Variants in VWC2L observed in about 807,000 individuals in gnomAD.
VWC2L encodes von Willebrand factor C domain containing 2 like, also known as von Willebrand factor C domain-containing protein 2-like.
VWC2L carries 10 observed loss-of-function variants against 21.6 expected under a neutral mutation model. The observed-to-expected ratio is 0.46, with a 90% CI of 0.29 to 0.78. The LOEUF is 0.78. Ranked by LOEUF, VWC2L falls within the 30% of genes least tolerant of loss-of-function variation. The probability of loss-of-function intolerance (pLI) is 0.10; values close to 1 mark genes in which losing one functional copy is unlikely to be tolerated. For missense variants in VWC2L, 209 were observed against 277.1 expected (o/e 0.75, Z 1.74); for synonymous variants, 96 against 94.3 (o/e 1.02, Z -0.10).
intron 3 of VWC2L, among the ~76,000 whole-genome samples, chr2:214,505,153 C>T (rs1469872600): frequency 1.3e-5 from 2 of 152,110 alleles, no homozygotes; most frequent in Admixed American, 6.5e-5. Flanking sequence ...GAAGTAGCCC[C>T]GGCCATATGC....
At chr2:214,539,684 G>C (rs1320165013) in intron 3 of VWC2L, among the ~76,000 whole-genome samples, 1 of 152,056 alleles carries the variant, frequency 6.6e-6, no homozygotes. Flanking sequence ...TAGGCAATTT[G>C]TAATTAGATT....
chr2:214,500,868 T>G (rs1688881615), intron 3 of VWC2L, among the ~76,000 whole-genome samples: 1 of 152,194 alleles, frequency 6.6e-6, no homozygotes, highest in Non-Finnish European at 1.5e-5. Context: ...TTATTTGTCC[T>G]CTCTAGGTTA....
At chr2:214,522,206 T>A (rs1464692584) in intron 3 of VWC2L, among the ~76,000 whole-genome samples, 1 of 151,908 alleles carries the variant, frequency 6.6e-6, no homozygotes, top group East Asian at 1.9e-4. Flanking sequence ...AAACCCCGTC[T>A]CTACTAAAAA....
At chr2:214,565,814 A>C (rs1197520884) in intron 3 of VWC2L, among the ~76,000 whole-genome samples, 1 of 152,134 alleles carries the variant, frequency 6.6e-6, no homozygotes, top group African/African-American at 2.4e-5. Context: ...TGTTCCTTCA[A>C]AAAGGAAGGA....
chr2:214,578,949 T>C lies in VWC2L; in HGVS notation c.*3129T>C, dbSNP rs1284514967. 1 of 152,146 alleles carries C rather than the reference T, an allele frequency of 6.6e-6. No individual in the cohort carries two copies. The highest frequency in any genetic ancestry group is 2.4e-5 in the African/African-American group (1 of 41,440). The allele number at this position is 152,146 out of a possible 1,614,324, so 9.4% of individuals were successfully genotyped here. A position where few individuals can be genotyped will look rare whatever the true frequency, so the allele number is the denominator to read the frequency against. On this transcript the variant is annotated 3_prime_UTR_variant, in exon 4 of 4. Coordinates refer to ENST00000312504, the MANE Select transcript of VWC2L (RefSeq NM_001080500.4). ...AATATATTATTAAAAAATTATTTTG[T>C]TAAATATAAAGTGTGTTAACCAGCA...
chr2:214,543,547 A>G (rs1421087183), intron 3 of VWC2L, among the ~76,000 whole-genome samples: 1 of 152,158 alleles, frequency 6.6e-6, no homozygotes, highest in Admixed American at 6.5e-5. Flanking sequence ...GTATTGTTTT[A>G]CCTAGAGCAC....
intron 3 of VWC2L, among the ~76,000 whole-genome samples, chr2:214,468,109 C>G (rs1174014271): frequency 6.6e-6 from 1 of 152,070 alleles, no homozygotes; most frequent in Non-Finnish European, 1.5e-5. Context: ...CTCTGCATCC[C>G]AGGTTCAAGT....
At position 214,421,766 on chromosome 2, in the gene VWC2L, T is replaced by C. The variant is rs180725172; in HGVS notation, c.390+7183T>C. On this transcript the variant is annotated intron_variant, in intron 2 of 3. Transcript: ENST00000312504. ...CCCTTCCAGATTTTAACTCCAACTG[T>C]ACATGGTTTTGGATATGTTAAAAAA... is the stretch of plus-strand genomic sequence containing the variant. Among the ~76,000 whole-genome samples the C allele has an allele frequency of 2.6e-3, 390 of 147,934 alleles. 1 individual carries two copies. The Middle Eastern group carries it at 0.031, about 12-fold the overall frequency.
intron 3 of VWC2L, among the ~76,000 whole-genome samples, chr2:214,439,595 G>A (rs1245427874): frequency 6.6e-6 from 1 of 151,812 alleles, no homozygotes; most frequent in Non-Finnish European, 1.5e-5. Context: ...TATTATCTTG[G>A]CTGTCAAATA....
At chr2:214,549,316 G>A (rs552496998) in intron 3 of VWC2L, among the ~76,000 whole-genome samples, 1 of 152,286 alleles carries the variant, frequency 6.6e-6, no homozygotes, top group East Asian at 1.9e-4. Context: ...TCCTTAGGAG[G>A]CCATTTTTCA....
intron 3 of VWC2L, among the ~76,000 whole-genome samples, chr2:214,504,896 T>A (rs1688946488): frequency 1.3e-5 from 2 of 152,210 alleles, no homozygotes; most frequent in Admixed American, 1.3e-4. Flanking sequence ...AGTCCAATTT[T>A]GAGCTGTGAA....
At chr2:214,521,234 G>GATAAATAA (rs72394017) in intron 3 of VWC2L, among the ~76,000 whole-genome samples, 113 of 140,526 alleles carry the variant, frequency 8.0e-4, no homozygotes, top group African/African-American at 1.8e-3. Context: ...CCATCTCAAA[G>GATAAATAA]ATAAATAAAT....
intron 3 of VWC2L, among the ~76,000 whole-genome samples, chr2:214,491,130 T>G (rs1216965130): frequency 2.0e-5 from 3 of 152,234 alleles, no homozygotes; most frequent in Non-Finnish European, 4.4e-5. Flanking sequence ...GTGAGTGGAC[T>G]AAAAGTCACT....
At chr2:214,459,275 T>C (rs1277820479) in intron 3 of VWC2L, among the ~76,000 whole-genome samples, 1 of 152,204 alleles carries the variant, frequency 6.6e-6, no homozygotes, top group Non-Finnish European at 1.5e-5. Flanking sequence ...ACTTCTTCCA[T>C]CCTTTTACTT....
chr2:214,441,433 A>G (rs1263573496), intron 3 of VWC2L, among the ~76,000 whole-genome samples: 1 of 152,142 alleles, frequency 6.6e-6, no homozygotes, highest in African/African-American at 2.4e-5. Flanking sequence ...CACCAAATGG[A>G]TAAGGAGATA....
chr2:214,570,580 GTC>G (rs1690135694), intron 3 of VWC2L, among the ~76,000 whole-genome samples: 1 of 151,978 alleles, frequency 6.6e-6, no homozygotes, highest in African/African-American at 2.4e-5. Context: ...GCCCAGGCTG[GTC>G]TCAAACTCCA....
At chr2:214,439,794 A>G (rs1702737401) in intron 3 of VWC2L, among the ~76,000 whole-genome samples, 1 of 151,846 alleles carries the variant, frequency 6.6e-6, no homozygotes, top group African/African-American at 2.4e-5. Flanking sequence ...ATATAGAAAT[A>G]TTTGTTTTGA....
At chr2:214,559,736 A>G (rs1348551488) in intron 3 of VWC2L, among the ~76,000 whole-genome samples, 1 of 152,060 alleles carries the variant, frequency 6.6e-6, no homozygotes, top group Non-Finnish European at 1.5e-5. Context: ...CAGCATCTCA[A>G]GTAATTAAAA....
intron 3 of VWC2L, among the ~76,000 whole-genome samples, chr2:214,542,095 C>T (rs140240366): frequency 2.0e-5 from 3 of 152,248 alleles, no homozygotes; most frequent in African/African-American, 7.2e-5. Context: ...GTCTGCCTGG[C>T]TGTAATGGCT....
Sources: gnomAD v4.1 joint callset for allele counts (sites outside exome capture counted in the v4.1 genomes callset) on GRCh38, gnomAD v4.1.1 for gene constraint, MANE v1.5 for transcripts, NCBI Gene and HGNC (gene_info 2026-07-23, HGNC 2026-07-21) for gene names.